PDE4B: variants seen among roughly 807,000 people sequenced by gnomAD.
The protein encoded by PDE4B is phosphodiesterase 4B, also known as 3',5'-cyclic-AMP phosphodiesterase 4B.
PDE4B carries 20 observed loss-of-function variants against 82.2 expected under a neutral mutation model. The ratio of observed to expected loss-of-function variants is 0.24; its 90% CI spans 0.17 to 0.35. The LOEUF (loss-of-function observed/expected upper bound fraction) is 0.35. Ranked by LOEUF, PDE4B falls within the 10% of genes least tolerant of loss-of-function variation. PDE4B has a pLI of 1.00. For missense variants in PDE4B, 655 were observed against 907.2 expected (o/e 0.72, Z 3.57); for synonymous variants, 320 against 318.9 (o/e 1.00, Z -0.04).
In PDE4B at chr1:65,918,842, A is replaced by G; in HGVS notation, c.281+7A>G. 2 of 1,498,900 alleles carry G rather than the reference A, an allele frequency of 1.3e-6. No homozygotes were observed. Among genetic ancestry groups the G allele is most frequent in the African/African-American group, 1.4e-5 (1 of 72,804 alleles). The allele number at this position is 1,498,900 out of a possible 1,614,324, so 92.9% of individuals were successfully genotyped here. A position where few individuals can be genotyped will look rare whatever the true frequency, so the allele number is the denominator to read the frequency against. ...CAACTGTAAGCCAGGAGTGGTGAGT[A>G]GCCTCAAAATCAAATGTCAATTCTA... On this transcript the variant is annotated splice_region_variant and intron_variant, in intron 3 of 16. Coordinates refer to ENST00000341517, the MANE Select transcript of PDE4B (RefSeq NM_002600.4).
chr1:66,235,066 A>G (rs1464295496), intron 3 of PDE4B, among the ~76,000 whole-genome samples: 8 of 152,190 alleles, frequency 5.3e-5, no homozygotes, highest in Non-Finnish European at 1.0e-4. Context: ...TTTACCAAAA[A>G]TCTTTCTGGT....
At chr1:66,327,219 A>G (rs567024404) in intron 7 of PDE4B, among the ~76,000 whole-genome samples, 1 of 152,322 alleles carries the variant, frequency 6.6e-6, no homozygotes, top group South Asian at 2.1e-4. Flanking sequence ...AAAGCTGGGG[A>G]AGTTGGTCTA....
chr1:65,978,671 T>A, intron 3 of PDE4B, among the ~76,000 whole-genome samples: 1 of 152,212 alleles, frequency 6.6e-6, no homozygotes, highest in East Asian at 1.9e-4. Flanking sequence ...TTAGGAAATA[T>A]GTTATCTATG....
At chr1:66,270,008 C>A (rs535117450) in intron 7 of PDE4B, among the ~76,000 whole-genome samples, 1 of 152,256 alleles carries the variant, frequency 6.6e-6, no homozygotes, top group Admixed American at 6.5e-5. Context: ...CCACTGGTAA[C>A]AGATCAGATG....
chr1:65,914,661 C>A (rs1647138763), intron 2 of PDE4B, among the ~76,000 whole-genome samples: 1 of 150,706 alleles, frequency 6.6e-6, no homozygotes, highest in Non-Finnish European at 1.5e-5. Flanking sequence ...ACTGTGTGCG[C>A]CAATATTTTG....
intron 3 of PDE4B, among the ~76,000 whole-genome samples, chr1:65,975,936 A>T (rs1937435): frequency 0.072 from 10,982 of 152,258 alleles, 437 homozygotes; most frequent in South Asian, 0.14. Context: ...AACCTCTACT[A>T]GGGTAGTGTG....
At chr1:65,916,831 C>G (rs1258866484) in intron 2 of PDE4B, among the ~76,000 whole-genome samples, 2 of 152,090 alleles carry the variant, frequency 1.3e-5, no homozygotes, top group African/African-American at 2.4e-5. Flanking sequence ...TAACTAGTTA[C>G]TAGACAGTGA....
chr1:65,794,631 T>G (rs1021803935), intron 1 of PDE4B, among the ~76,000 whole-genome samples: 1 of 152,184 alleles, frequency 6.6e-6, no homozygotes, highest in Admixed American at 6.5e-5. Flanking sequence ...AAATATAGCA[T>G]TGGTCTCTTC....
Position 66,363,572 on chromosome 1 carries a change from G to A in PDE4B, c.1284+1G>A, listed in dbSNP as rs1662987058. On this transcript the variant is annotated splice_donor_variant, in intron 12 of 16. Coordinates refer to ENST00000341517, the MANE Select transcript of PDE4B (RefSeq NM_002600.4). LOFTEE classifies it high-confidence loss of function. ...TCTCCTTTCTACACCAGCATTAGAC[G>A]TGAGTAATTATGACCTGTTTTGCAT... 1.9e-6 allele frequency: 3 copies of A among 1,609,536 alleles called. No homozygotes were observed. The highest frequency in any genetic ancestry group is 1.3e-5 in the African/African-American group (1 of 74,728).
chr1:66,120,841 G>A (rs927991429), intron 3 of PDE4B, among the ~76,000 whole-genome samples: 2 of 152,072 alleles, frequency 1.3e-5, no homozygotes, highest in Non-Finnish European at 2.9e-5. Flanking sequence ...GGACCTCTGT[G>A]GACATTATGA....
intron 3 of PDE4B, among the ~76,000 whole-genome samples, chr1:65,947,542 G>A (rs1424957102): frequency 6.6e-6 from 1 of 151,972 alleles, no homozygotes; most frequent in Non-Finnish European, 1.5e-5. Flanking sequence ...ATGTGACCTT[G>A]TTTAGAAATA....
intron 3 of PDE4B, among the ~76,000 whole-genome samples, chr1:65,942,605 CT>C (rs1254984246): frequency 1.3e-5 from 2 of 152,010 alleles, no homozygotes; most frequent in African/African-American, 2.4e-5. Context: ...AAACTTTCTA[CT>C]GTTTTCCACA....
intron 1 of PDE4B, among the ~76,000 whole-genome samples, chr1:65,823,716 G>A (rs1431835629): frequency 2.0e-5 from 3 of 152,140 alleles, no homozygotes; most frequent in African/African-American, 2.4e-5. Context: ...ACATCTGAAC[G>A]TCTTATATGC....
rs1325171369 is a variant in PDE4B, at chr1:65,857,287, A to G, written c.-70-55958A>G. Among the ~76,000 whole-genome samples, 6 of 152,326 alleles carry G rather than the reference A, an allele frequency of 3.9e-5. No homozygotes were observed. In the East Asian group the frequency reaches 9.7e-4, roughly 25 times the overall value. On this transcript the variant is annotated intron_variant, in intron 1 of 16. Coordinates refer to ENST00000341517, the MANE Select transcript of PDE4B (RefSeq NM_002600.4). ...ACAAGGCCCTATACAAAGTAGTCTC[A>G]GTTAATTTCTCTTTTCCTGGTACTC...
chr1:66,229,251 C>T (rs957211426), intron 3 of PDE4B, among the ~76,000 whole-genome samples: 11 of 151,888 alleles, frequency 7.2e-5, no homozygotes, highest in African/African-American at 1.5e-4. Context: ...CCTCGTGATC[C>T]GCCCGCCTCG....
intron 7 of PDE4B, among the ~76,000 whole-genome samples, chr1:66,276,976 T>C (rs1162669928): frequency 6.6e-6 from 1 of 152,242 alleles, no homozygotes; most frequent in Non-Finnish European, 1.5e-5. Context: ...TGTTTAACTA[T>C]TATGATCATT....
intron 6 of PDE4B, among the ~76,000 whole-genome samples, chr1:66,261,756 T>G (rs983030138): frequency 2.4e-4 from 36 of 152,350 alleles, no homozygotes; most frequent in Non-Finnish European, 7.3e-5. Flanking sequence ...TGAGGGATGC[T>G]TGATTGGACC....
In PDE4B at chr1:66,368,804, A is replaced by T; in HGVS notation, c.1680A>T (p.Val560=). 6.3e-7 allele frequency: 1 copy of T among 1,591,792 alleles called. No homozygotes were observed. Among genetic ancestry groups the T allele is most frequent in the Non-Finnish European group, 8.6e-7 (1 of 1,168,248 alleles). The change falls in exon 16 of 17, where the codon GTA becomes GTT. Residue 560 remains valine, a synonymous_variant. Transcript: ENST00000341517. Reference sequence around the variant, plus strand: ...GATTTCAGGTCCTTCGCAACATGGTACACTGTGCAGACCTGAGCAACCCCA... The same window carrying T: ...GATTTCAGGTCCTTCGCAACATGGTTCACTGTGCAGACCTGAGCAACCCCA... ...TDRIQVLRNM[V]HCADLSNPTK... is the part of the protein sequence containing the mutation.
intron 3 of PDE4B, among the ~76,000 whole-genome samples, chr1:66,106,068 C>T (rs370898457): frequency 6.6e-6 from 1 of 151,856 alleles, no homozygotes; most frequent in African/African-American, 2.4e-5. Flanking sequence ...ATGATATTGG[C>T]TGTGGGTTTG....
Sources: gnomAD v4.1 joint callset for allele counts (sites outside exome capture counted in the v4.1 genomes callset) on GRCh38, gnomAD v4.1.1 for gene constraint, MANE v1.5 for transcripts, NCBI Gene and HGNC (gene_info 2026-07-23, HGNC 2026-07-21) for gene names.